The following ABCA10 variants were observed in gnomAD, a reference collection of about 807,000 sequenced individuals.
ABCA10 encodes the protein ATP-binding cassette sub-family A member 10.
In ABCA10, 169 loss-of-function variants were observed where a neutral mutation model predicts 187.5. That is an observed-to-expected ratio of 0.90 (90% CI 0.80 to 1.02). ABCA10 has a LOEUF of 1.02. ABCA10 is among the 50% of genes least tolerant of loss of function. ABCA10 has a pLI of 0.00. For synonymous variants in ABCA10, 574 were observed against 601.8 expected (o/e 0.95, Z 0.68); for missense variants, 1,727 against 1,812.4 (o/e 0.95, Z 0.86).
intron 9 of ABCA10, 83 bp downstream of exon 9, chr17:69,214,621 A>C: frequency 2.5e-6 from 3 of 1,205,788 alleles, no homozygotes; most frequent in Non-Finnish European, 3.3e-6. Context: ...AATGCTTCTT[A>C]AGTTACAAAT....
intron 20 of ABCA10, among the ~76,000 whole-genome samples, chr17:69,183,736 CTT>C (rs893265790): frequency 1.3e-4 from 20 of 152,190 alleles, no homozygotes; most frequent in African/African-American, 4.8e-4. Flanking sequence ...CCATTTTTGA[CTT>C]TGTCTCAGAG....
At position 69,194,390 on chromosome 17, in the gene ABCA10, G is replaced by A. The variant is rs745714928; in HGVS notation, c.1340C>T (p.Thr447Ile). Reference protein sequence around the residue: ...LNILSGLSVSTEGSATIYNTQ... With the variant: ...LNILSGLSVSIEGSATIYNTQ... ...TTATAAAACTGTTTTCTCACCTTCT[G>A]TAGAAACAGACAATCCACTAAGAAT... The change falls in exon 12 of 39, where the codon ACA becomes ATA. Residue 447 changes from threonine to isoleucine, a missense_variant. Coordinates refer to ENST00000690296, the MANE Select transcript of ABCA10 (RefSeq NM_001377321.1). The A allele has an allele frequency of 5.0e-6, 8 of 1,607,342 alleles. No individual in the cohort carries two copies. Among genetic ancestry groups the A allele is most frequent in the Non-Finnish European group, 6.8e-6 (8 of 1,176,188 alleles).
intron 16 of ABCA10, among the ~76,000 whole-genome samples, chr17:69,192,082 T>C (rs1023409544): frequency 2.0e-5 from 3 of 152,148 alleles, no homozygotes; most frequent in Non-Finnish European, 2.9e-5. Flanking sequence ...CCCAGCACTT[T>C]GGGAGGCCAA....
At chr17:69,154,611 G>C (rs1300173275) in intron 30 of ABCA10, among the ~76,000 whole-genome samples, 1 of 151,882 alleles carries the variant, frequency 6.6e-6, no homozygotes, top group East Asian at 1.9e-4. Context: ...TTTTTGTAGA[G>C]ATGGAGTCTT....
At chr17:69,177,055 A>C (rs899102575) in intron 22 of ABCA10, among the ~76,000 whole-genome samples, 17 of 152,116 alleles carry the variant, frequency 1.1e-4, no homozygotes, top group Middle Eastern at 3.2e-3. Flanking sequence ...AATGATTCCC[A>C]AAGTATGCAT....
chr17:69,239,477 TA>T (rs1257786577), intron 1 of ABCA10, among the ~76,000 whole-genome samples: 2 of 152,186 alleles, frequency 1.3e-5, no homozygotes, highest in African/African-American at 4.8e-5. Context: ...ATTTTTCTGG[TA>T]GTATTGAGCT....
intron 9 of ABCA10, among the ~76,000 whole-genome samples, chr17:69,211,314 G>GATACATATATAT: frequency 3.3e-5 from 1 of 30,352 alleles, no homozygotes; most frequent in East Asian, 7.9e-4. Flanking sequence ...TCATATATAT[G>GATACATATATAT]ATATATATAT....
In ABCA10 at chr17:69,183,927, A is replaced by T. The variant is rs576252181; in HGVS notation, c.2498-1119T>A. Among the ~76,000 whole-genome samples the T allele has an allele frequency of 1.6e-4, 24 of 152,256 alleles. No homozygotes were observed. In the East Asian group the frequency reaches 4.4e-3, roughly 28 times the overall value. On this transcript the variant is annotated intron_variant, in intron 20 of 38. Transcript: ENST00000690296. ...AAGCCATGGCAGGGGGAAGGCACAT[A>T]ACCGGAGAGCCCTGCTTGCTTTCTC... is the stretch of plus-strand genomic sequence containing the variant.
At position 69,214,730 on chromosome 17, in the gene ABCA10, G is replaced by C. The variant is rs750969924; in HGVS notation, c.980C>G (p.Thr327Arg). Residue 327 changes from threonine (T) to arginine (R), a missense_variant, in exon 9 of 39, where the codon ACA becomes AGA. Physicochemically the swap from Thr to Arg is moderately conservative, Grantham distance 71 (BLOSUM62 -1). Coordinates refer to ENST00000690296, the MANE Select transcript of ABCA10 (RefSeq NM_001377321.1). ...AFDTLFYLIF[T>R]LYFERVLPDK... Reference sequence around the variant, plus strand: ...AGGTAAAACTCGCTCAAAATATAATGTGAATATCAAATAGAAAAGAGTATC... The same window carrying C: ...AGGTAAAACTCGCTCAAAATATAATCTGAATATCAAATAGAAAAGAGTATC... 1.3e-6 allele frequency: 2 copies of C among 1,513,902 alleles called. No individual in the cohort carries two copies. The highest frequency in any genetic ancestry group is 1.3e-5 in the South Asian group (1 of 77,528). The allele number at this position is 1,513,902 out of a possible 1,614,324, so 93.8% of individuals were successfully genotyped here.
chr17:69,175,349 A>C, intron 23 of ABCA10, 57 bp downstream of exon 23: 19 of 1,457,204 alleles, frequency 1.3e-5, no homozygotes, highest in Non-Finnish European at 1.7e-5. Context: ...ATAAAATTGC[A>C]ATTACTACAG....
At chr17:69,163,292 G>A (rs1447768287) in intron 27 of ABCA10, among the ~76,000 whole-genome samples, 1 of 152,090 alleles carries the variant, frequency 6.6e-6, no homozygotes, top group South Asian at 2.1e-4. Flanking sequence ...ATGGAGGTGC[G>A]CAGCCAAATA....
Position 69,164,995 on chromosome 17 carries a change from G to C in ABCA10, c.3251C>G (p.Thr1084Ser). ...CAATAACATGACATACCCCAGCAAA[G>C]TGAAGGAAGGTATGAAAATCATGCA... ...ILCMIFIPSF[T>S]LLGYVMLLIQ... is the part of the protein sequence containing the mutation. Residue 1084 changes from threonine to serine, a missense_variant, in exon 26 of 39, where the codon ACT becomes AGT. Coordinates refer to ENST00000690296, the MANE Select transcript of ABCA10 (RefSeq NM_001377321.1). The C allele has an allele frequency of 6.2e-7, 1 of 1,613,256 alleles. No individual in the cohort carries two copies. Among genetic ancestry groups the C allele is most frequent in the Non-Finnish European group, 8.5e-7 (1 of 1,179,444 alleles).
At chr17:69,174,244 A>G (rs1241542607) in intron 25 of ABCA10, 37 bp downstream of exon 25, 4 of 1,427,470 alleles carry the variant, frequency 2.8e-6, no homozygotes, top group South Asian at 2.7e-5. Flanking sequence ...CTTCAAGGAA[A>G]TTTAATATAA....
At position 69,197,125 on chromosome 17, in the gene ABCA10, G is replaced by C; in HGVS notation, c.1176-3C>G. On this transcript the variant is annotated splice_polypyrimidine_tract_variant and splice_region_variant and intron_variant, in intron 10 of 38. Transcript: ENST00000690296. ...ATTCTTTTATAACATTTCTGATTCTGAAAGAAGATGAAGTAATTTTCATGT... is the reference window on the plus strand; with the variant it reads ...ATTCTTTTATAACATTTCTGATTCTCAAAGAAGATGAAGTAATTTTCATGT... 6.3e-7 allele frequency: 1 copy of C among 1,576,424 alleles called. No individual in the cohort carries two copies. The highest frequency in any genetic ancestry group is 1.1e-5 in the South Asian group (1 of 89,522).
chr17:69,180,518 A>G (rs2074371857), intron 22 of ABCA10, among the ~76,000 whole-genome samples: 1 of 152,220 alleles, frequency 6.6e-6, no homozygotes. Flanking sequence ...AGGGAAGACA[A>G]CATCGATTCT....
intron 1 of ABCA10, among the ~76,000 whole-genome samples, chr17:69,236,640 T>C (rs959881095): frequency 1.3e-5 from 2 of 152,354 alleles, no homozygotes; most frequent in Admixed American, 6.5e-5. Context: ...ACTTTTCCAC[T>C]GACGCCTTTG....
chr17:69,164,890 T>C lies in ABCA10; in HGVS notation c.3282+74A>G, dbSNP rs376494257. On this transcript the variant is annotated intron_variant, in intron 26 of 38. Coordinates refer to ENST00000690296, the MANE Select transcript of ABCA10 (RefSeq NM_001377321.1). Reference sequence around the variant, plus strand: ...TTCAAAATTTTATAAATGCACCTGTTCCGACAATGGGTAAGGATTTTATTA... The same window carrying C: ...TTCAAAATTTTATAAATGCACCTGTCCCGACAATGGGTAAGGATTTTATTA... 2.7e-6 allele frequency: 4 copies of C among 1,496,230 alleles called. No homozygotes were observed. The South Asian group carries it at 5.4e-5, about 20-fold the overall frequency. The allele number at this position is 1,496,230 out of a possible 1,614,324, so 92.7% of individuals were successfully genotyped here.
chr17:69,212,863 G>A (rs1446729142), intron 9 of ABCA10, among the ~76,000 whole-genome samples: 1 of 152,170 alleles, frequency 6.6e-6, no homozygotes. Context: ...TGAGTCTCTT[G>A]AAGACAGCAG....
chr17:69,156,430 A>C (rs926079279), intron 28 of ABCA10, among the ~76,000 whole-genome samples: 1 of 152,200 alleles, frequency 6.6e-6, no homozygotes, highest in Admixed American at 6.5e-5. Context: ...CTATCCCTGC[A>C]TCCAATCTAA....
Sources: allele counts gnomAD v4.1 joint callset (sites outside exome capture counted in the v4.1 genomes callset), GRCh38; gene constraint gnomAD v4.1.1; transcripts MANE v1.5; gene names NCBI Gene and HGNC (gene_info 2026-07-23, HGNC 2026-07-21).